The following ZC3H18 variants were observed in gnomAD, a reference collection of about 807,000 sequenced individuals.
The protein encoded by ZC3H18 is zinc finger CCCH-type containing 18.
Under a neutral mutation model 106.1 loss-of-function variants are expected in ZC3H18, and 8 were observed. That is an observed-to-expected ratio of 0.08 (90% confidence interval 0.04 to 0.14). The LOEUF is 0.14. Ranked by LOEUF, ZC3H18 falls within the 10% of genes least tolerant of loss-of-function variation. The pLI is 1.00. For synonymous variants in ZC3H18, 635 were observed against 522.1 expected (o/e 1.22, Z -2.95); for missense variants, 1,318 against 1,278.4 (o/e 1.03, Z -0.47).
chr16:88,606,127 C>G lies in ZC3H18; in HGVS notation c.1089-2807C>G, dbSNP rs567698423. ...CCACAGAACCCTTTTCTCAAAAGGCCCATTAACATTTTGGGTTCCCTAAAA... is the reference window on the plus strand; with the variant it reads ...CCACAGAACCCTTTTCTCAAAAGGCGCATTAACATTTTGGGTTCCCTAAAA... On this transcript the variant is annotated intron_variant, in intron 6 of 17. Transcript: ENST00000301011. Among the ~76,000 whole-genome samples the G allele has an allele frequency of 5.7e-4, 87 of 152,340 alleles. 1 individual carries two copies. The highest frequency in any genetic ancestry group is 2.1e-3 in the African/African-American group (86 of 41,572).
chr16:88,620,859 G>T (rs990884601), intron 8 of ZC3H18, among the ~76,000 whole-genome samples: 1 of 152,070 alleles, frequency 6.6e-6, no homozygotes, highest in Non-Finnish European at 1.5e-5. Context: ...TATCATTTGT[G>T]TTTGGGTTTT....
At chr16:88,612,382 G>C in intron 8 of ZC3H18, among the ~76,000 whole-genome samples, 1 of 151,946 alleles carries the variant, frequency 6.6e-6, no homozygotes, top group East Asian at 1.9e-4. Flanking sequence ...GCCCCCTAAA[G>C]TGAAACCTTG....
intron 1 of ZC3H18, among the ~76,000 whole-genome samples, chr16:88,574,279 G>A (rs796945325): frequency 2.6e-5 from 4 of 151,702 alleles, no homozygotes; most frequent in Admixed American, 1.3e-4. Flanking sequence ...GTGTGATCTC[G>A]GCTCACTGCA....
chr16:88,570,775 CCCCGCGGTCCTGGGGCG>C (rs1384365815), intron 1 of ZC3H18, among the ~76,000 whole-genome samples: 1 of 152,088 alleles, frequency 6.6e-6, no homozygotes, highest in Non-Finnish European at 1.5e-5. Flanking sequence ...CGTAAGCCGG[CCCCGCGGTCCTGGGGCG>C]CCCTGGGCGC....
Position 88,577,430 on chromosome 16 carries a change from G to A in ZC3H18, c.307G>A (p.Glu103Lys), listed in dbSNP as rs776998093. 5.0e-6 allele frequency: 8 copies of A among 1,607,108 alleles called. No individual in the cohort carries two copies. The highest frequency in any genetic ancestry group is 4.5e-5 in the East Asian group (2 of 44,752). ...CTCCCCCTGCGAGGAGGAGGGGGAC[G>A]AAGGGGAGGAAGACCGGACAAGCGA... ...TSSPCEEEGDEGEEDRTSDLR... is the reference protein window; with the variant it reads ...TSSPCEEEGDKGEEDRTSDLR... The change falls in exon 2 of 18, where the codon GAA becomes AAA. Residue 103 changes from glutamate to lysine, a missense_variant. Physicochemically the swap from Glu to Lys is moderately conservative, Grantham distance 56. Transcript: ENST00000301011.
intron 2 of ZC3H18, among the ~76,000 whole-genome samples, chr16:88,583,765 T>A (rs1915276084): frequency 6.6e-6 from 1 of 152,210 alleles, no homozygotes; most frequent in Non-Finnish European, 1.5e-5. Context: ...CACGTCAACT[T>A]GGCCTGTCCC....
At chr16:88,612,550 G>T (rs117614262) in intron 8 of ZC3H18, among the ~76,000 whole-genome samples, 1 of 151,308 alleles carries the variant, frequency 6.6e-6, no homozygotes, top group Non-Finnish European at 1.5e-5. Context: ...GGTGGCATGA[G>T]CCTGTGGTCC....
At chr16:88,604,489 G>A (rs560006956) in intron 6 of ZC3H18, among the ~76,000 whole-genome samples, 4 of 152,094 alleles carry the variant, frequency 2.6e-5, no homozygotes, top group East Asian at 1.9e-4. Context: ...GATTGAGACC[G>A]TTCTGGCTAA....
chr16:88,627,325 C>T lies in ZC3H18; in HGVS notation c.2109-297C>T, dbSNP rs570801426. On this transcript the variant is annotated intron_variant, in intron 13 of 17. Coordinates refer to ENST00000301011, the MANE Select transcript of ZC3H18 (RefSeq NM_144604.4). The surrounding 1 kb of genome is among the most constrained non-coding windows in gnomAD (Gnocchi z 4.5). ...CATCAGTTCAGCTGGGTCTCAGACC[C>T]CATTGCTCGTGACGAGATCTGCCCA... The T allele has an allele frequency of 5.9e-5, 17 of 288,624 alleles. No individual in the cohort carries two copies. The East Asian group carries it at 1.1e-3, about 18-fold the overall frequency. 17.9% of individuals were successfully genotyped at this position (288,624 alleles called of 1,614,324 possible). A position where few individuals can be genotyped will look rare whatever the true frequency, so the allele number is the denominator to read the frequency against.
chr16:88,577,834 C>T (rs1177163101), intron 2 of ZC3H18, 108 bp downstream of exon 2: 1 of 1,575,612 alleles, frequency 6.3e-7, no homozygotes, highest in South Asian at 1.2e-5. Context: ...TGATTTGTTA[C>T]TAGGGATGGT....
At chr16:88,624,182 G>T in intron 11 of ZC3H18, 120 bp downstream of exon 11, 1 of 1,408,622 alleles carries the variant, frequency 7.1e-7, no homozygotes, top group South Asian at 1.3e-5. Flanking sequence ...TGCCTCAGGG[G>T]GCTGGCCCCA....
At chr16:88,590,564 CTTT>C (rs57632461) in intron 3 of ZC3H18, among the ~76,000 whole-genome samples, 2 of 100,670 alleles carry the variant, frequency 2.0e-5, no homozygotes, top group Non-Finnish European at 3.7e-5. Flanking sequence ...TTCTTTATTT[CTTT>C]TTTTTTTTTT....
At chr16:88,605,235 C>G (rs547663543) in intron 6 of ZC3H18, among the ~76,000 whole-genome samples, 1 of 152,340 alleles carries the variant, frequency 6.6e-6, no homozygotes, top group Non-Finnish European at 1.5e-5. Context: ...AAGACAGGGC[C>G]TGCTCCACAT....
Position 88,593,226 on chromosome 16 carries a change from G to A in ZC3H18, c.689-4952G>A, listed in dbSNP as rs941315007. Among the ~76,000 whole-genome samples, 53 of 152,282 alleles carry A rather than the reference G, an allele frequency of 3.5e-4. 1 individual carries two copies. Among genetic ancestry groups the A allele is most frequent in the African/African-American group, 1.2e-3 (50 of 41,554 alleles). ...GCCCCCCTTGACCTCCTGCCAATGC[G>A]TCAGAAGGAAGGTCACCTGCCCCCA... On this transcript the variant is annotated intron_variant, in intron 3 of 17. Coordinates refer to ENST00000301011, the MANE Select transcript of ZC3H18 (RefSeq NM_144604.4).
At chr16:88,612,251 A>G (rs928257128) in intron 8 of ZC3H18, among the ~76,000 whole-genome samples, 14 of 152,090 alleles carry the variant, frequency 9.2e-5, no homozygotes, top group African/African-American at 2.9e-4. Context: ...GTTTTTTACA[A>G]CTTTATTGAA....
chr16:88,623,908 G>T, intron 10 of ZC3H18, 50 bp from the exon 11 acceptor site: 1 of 1,556,620 alleles, frequency 6.4e-7, no homozygotes, highest in Non-Finnish European at 8.7e-7. Context: ...GCTTGGGCTG[G>T]TGAAGAAACA....
intron 2 of ZC3H18, among the ~76,000 whole-genome samples, chr16:88,583,043 CAGG>C (rs1375294657): frequency 1.3e-5 from 2 of 152,260 alleles, no homozygotes; most frequent in African/African-American, 4.8e-5. Flanking sequence ...GCCCAGGATT[CAGG>C]AGGTTGTGGT....
intron 2 of ZC3H18, among the ~76,000 whole-genome samples, chr16:88,580,706 G>T (rs1410848408): frequency 6.6e-6 from 1 of 152,168 alleles, no homozygotes; most frequent in African/African-American, 2.4e-5. Flanking sequence ...TTCTCTGATG[G>T]ACTGGGAGCC....
At chr16:88,609,744 T>C (rs985533079) in intron 7 of ZC3H18, among the ~76,000 whole-genome samples, 3 of 152,080 alleles carry the variant, frequency 2.0e-5, no homozygotes, top group Non-Finnish European at 4.4e-5. Flanking sequence ...GGATTACAGG[T>C]GCCCACCATC....
Sources: gnomAD v4.1 joint callset for allele counts (sites outside exome capture counted in the v4.1 genomes callset) on GRCh38, gnomAD v4.1.1 for gene constraint, Gnocchi (gnomAD v3.1) non-coding constraint, MANE v1.5 for transcripts, NCBI Gene and HGNC (gene_info 2026-07-23, HGNC 2026-07-21) for gene names.